CCDC148: variants seen among roughly 807,000 people sequenced by gnomAD.
The protein encoded by CCDC148 is coiled-coil domain-containing protein 148.
Under a neutral mutation model 85.7 loss-of-function variants are expected in CCDC148, and 89 were observed. The observed-to-expected ratio is 1.04, with a 90% CI of 0.87 to 1.24. CCDC148 has a LOEUF of 1.24. Among genes scored for constraint, CCDC148 ranks in the 50% most tolerant of loss-of-function variants. The pLI is 0.00. For synonymous variants in CCDC148, 230 were observed against 213.9 expected, an observed-to-expected ratio of 1.08 and a Z score of -0.66; for missense variants, 692 against 671.7, an observed-to-expected ratio of 1.03 and a Z score of -0.33.
intron 9 of CCDC148, among the ~76,000 whole-genome samples, chr2:158,275,454 C>T (rs544299630): frequency 1.3e-5 from 2 of 152,248 alleles, no homozygotes; most frequent in East Asian, 3.9e-4. Context: ...AGGCCATTTG[C>T]TTCTAGGTAA....
intron 9 of CCDC148, among the ~76,000 whole-genome samples, chr2:158,294,195 T>A (rs540353610): frequency 6.6e-6 from 1 of 152,208 alleles, no homozygotes; most frequent in South Asian, 2.1e-4. Flanking sequence ...GCCTTTTGTG[T>A]CTGACATATT....
At chr2:158,433,227 T>G (rs1687454168) in intron 1 of CCDC148, among the ~76,000 whole-genome samples, 1 of 144,058 alleles carries the variant, frequency 6.9e-6, no homozygotes, top group Non-Finnish European at 1.5e-5. Context: ...ACCACTGTAC[T>G]ATAGCCGGGG....
intron 9 of CCDC148, among the ~76,000 whole-genome samples, chr2:158,277,427 G>A (rs980466589): frequency 2.6e-5 from 4 of 152,094 alleles, no homozygotes; most frequent in African/African-American, 9.7e-5. Context: ...GGAGAATAAT[G>A]ATTGATCTAA....
intron 9 of CCDC148, among the ~76,000 whole-genome samples, chr2:158,290,969 C>T (rs1205887526): frequency 6.6e-6 from 1 of 152,044 alleles, no homozygotes; most frequent in Non-Finnish European, 1.5e-5. Context: ...TCCTTTATCT[C>T]CACCTCTATC....
chr2:158,430,389 A>G (rs1687294424), intron 1 of CCDC148, among the ~76,000 whole-genome samples: 2 of 152,194 alleles, frequency 1.3e-5, no homozygotes, highest in Non-Finnish European at 2.9e-5. Context: ...CAAATCAGGC[A>G]TTCAACAATA....
intron 10 of CCDC148, among the ~76,000 whole-genome samples, chr2:158,230,763 T>C (rs1687817158): frequency 6.6e-6 from 1 of 152,148 alleles, no homozygotes; most frequent in African/African-American, 2.4e-5. Context: ...GCAGCGCTCG[T>C]CCCTGGACTC....
At chr2:158,228,119 C>G (rs1399763599) in intron 10 of CCDC148, among the ~76,000 whole-genome samples, 3 of 151,996 alleles carry the variant, frequency 2.0e-5, no homozygotes, top group Non-Finnish European at 4.4e-5. Flanking sequence ...AAGAAAAAAA[C>G]AAACAACCCC....
chr2:158,353,436 G>A (rs951041308), intron 2 of CCDC148, among the ~76,000 whole-genome samples: 6 of 149,394 alleles, frequency 4.0e-5, no homozygotes, highest in African/African-American at 1.2e-4. Flanking sequence ...ACTAGTCTCT[G>A]ATAAAACAGA....
intron 9 of CCDC148, among the ~76,000 whole-genome samples, chr2:158,276,512 C>T (rs759014420): frequency 1.4e-4 from 22 of 152,090 alleles, no homozygotes; most frequent in East Asian, 7.7e-4. Context: ...GCCGAGATCA[C>T]GCCACTGCAC....
At chr2:158,385,190 T>C (rs1685035340) in intron 1 of CCDC148, among the ~76,000 whole-genome samples, 1 of 152,186 alleles carries the variant, frequency 6.6e-6, no homozygotes, top group Non-Finnish European at 1.5e-5. Flanking sequence ...TAAAGGGCTC[T>C]TGTGACAAGA....
At chr2:158,269,570 C>G (rs1278006057) in intron 9 of CCDC148, among the ~76,000 whole-genome samples, 2 of 152,196 alleles carry the variant, frequency 1.3e-5, no homozygotes, top group Non-Finnish European at 2.9e-5. Context: ...CCCTTGACCA[C>G]TGGTGGAGAG....
intron 10 of CCDC148, among the ~76,000 whole-genome samples, chr2:158,232,155 T>C (rs1687886220): frequency 6.6e-6 from 1 of 152,168 alleles, no homozygotes; most frequent in South Asian, 2.1e-4. Context: ...GAAGCACTCA[T>C]TATCCCCTAT....
intron 11 of CCDC148, among the ~76,000 whole-genome samples, chr2:158,191,105 A>G (rs778727038): frequency 1.6e-4 from 25 of 152,032 alleles, no homozygotes; most frequent in Non-Finnish European, 3.5e-4. Context: ...CTGTATGATT[A>G]TGATGATGGA....
intron 7 of CCDC148, among the ~76,000 whole-genome samples, chr2:158,329,174 C>A (rs1692958238): frequency 3.9e-5 from 6 of 152,186 alleles, no homozygotes; most frequent in Admixed American, 3.9e-4. Flanking sequence ...TTTAAGCCAT[C>A]TTGAATCAAT....
chr2:158,417,376 T>G (rs1686548234), intron 1 of CCDC148, among the ~76,000 whole-genome samples: 1 of 152,232 alleles, frequency 6.6e-6, no homozygotes, highest in South Asian at 2.1e-4. Context: ...GCTGAGCTGA[T>G]GGACAGCCCC....
At chr2:158,369,991 GCCTTTCAT>G (rs1390179644) in intron 1 of CCDC148, among the ~76,000 whole-genome samples, 1 of 152,062 alleles carries the variant, frequency 6.6e-6, no homozygotes, top group Non-Finnish European at 1.5e-5. Flanking sequence ...TGTTGAACCA[GCCTTTCAT>G]CCTGGGGTTG....
chr2:158,453,822 T>C (rs1688498402), intron 1 of CCDC148, among the ~76,000 whole-genome samples: 1 of 152,234 alleles, frequency 6.6e-6, no homozygotes, highest in Admixed American at 6.5e-5. Context: ...CTGTTTACTT[T>C]CGTTCTTGAG....
intron 7 of CCDC148, among the ~76,000 whole-genome samples, chr2:158,327,826 A>T (rs1003336014): frequency 9.2e-5 from 14 of 152,010 alleles, no homozygotes; most frequent in Admixed American, 3.3e-4. Context: ...AACATTTGAA[A>T]TTTTTTTCCT....
chr2:158,362,345 C>T (rs1683989594), intron 1 of CCDC148, among the ~76,000 whole-genome samples: 1 of 152,196 alleles, frequency 6.6e-6, no homozygotes, highest in African/African-American at 2.4e-5. Context: ...ACAGAACTCT[C>T]CACCCCAAAT....
Sources: gnomAD v4.1 joint callset for allele counts (sites outside exome capture counted in the v4.1 genomes callset) on GRCh38, gnomAD v4.1.1 for gene constraint, MANE v1.5 for transcripts, NCBI Gene and HGNC (gene_info 2026-07-23, HGNC 2026-07-21) for gene names.